Variants in DNAJB6 observed in about 807,000 individuals in gnomAD.
The protein encoded by DNAJB6 is DnaJ heat shock protein family (Hsp40) member B6.
A neutral mutation model predicts 42.7 loss-of-function variants in DNAJB6; 16 were observed. The ratio of observed to expected loss-of-function variants is 0.37; its 90% CI spans 0.25 to 0.57. DNAJB6 has a LOEUF of 0.57. DNAJB6 is among the 20% of genes least tolerant of loss of function. DNAJB6 has a pLI of 0.74. For synonymous variants in DNAJB6, 170 were observed against 163.5 expected (o/e 1.04, Z -0.30); for missense variants, 347 against 416.8 (o/e 0.83, Z 1.46).
At chr7:157,410,392 G>A in intron 9 of DNAJB6, 1 of 375,966 alleles carries the variant, frequency 2.7e-6, no homozygotes. Flanking sequence ...GTTTGCCCCT[G>A]CCCCTCCGTC....
At chr7:157,381,777 G>GTGTGTGTGC (rs1563136627) in intron 5 of DNAJB6, 3 of 77,046 alleles carry the variant, frequency 3.9e-5, no homozygotes, top group Admixed American at 2.8e-4. Flanking sequence ...TGTGTGTGTG[G>GTGTGTGTGC]GCGCGCGCAT....
At chr7:157,407,806 G>T (rs994151044) in intron 8 of DNAJB6, among the ~76,000 whole-genome samples, 3 of 152,188 alleles carry the variant, frequency 2.0e-5, no homozygotes, top group African/African-American at 7.2e-5. Context: ...TCTTGCCAGG[G>T]TCCAGGCAGC....
intron 5 of DNAJB6, among the ~76,000 whole-genome samples, chr7:157,370,209 GAGGCCCTTTCTTCACATTATTATTAAAC>G (rs1563129122): frequency 4.0e-5 from 4 of 100,290 alleles, no homozygotes; most frequent in African/African-American, 1.3e-4. Flanking sequence ...TATTATTAAA[GAGGCCCTTTCTTCACATTATTATTAAAC>G]AGGCCCTTTC....
intron 1 of DNAJB6, among the ~76,000 whole-genome samples, chr7:157,343,666 C>A (rs532698423): frequency 2.6e-4 from 40 of 152,244 alleles, no homozygotes; most frequent in African/African-American, 9.6e-4. Flanking sequence ...CCATGCTGTT[C>A]TCAAACTCCT....
At chr7:157,398,520 G>C (rs1801703171) in intron 8 of DNAJB6, among the ~76,000 whole-genome samples, 1 of 152,218 alleles carries the variant, frequency 6.6e-6, no homozygotes, top group Non-Finnish European at 1.5e-5. Flanking sequence ...CTCCATTTGG[G>C]GAAGAAACTG....
chr7:157,399,316 A>T (rs983939978), intron 8 of DNAJB6, among the ~76,000 whole-genome samples: 1 of 152,170 alleles, frequency 6.6e-6, no homozygotes, highest in Non-Finnish European at 1.5e-5. Context: ...CCTCCTGATG[A>T]GTAGGTGCCA....
rs1291942149 is a variant in DNAJB6 at position 157,409,319 on chromosome 7, G to A, written c.692-476G>A. 3.3e-5 allele frequency among the ~76,000 whole-genome samples: 5 copies of A among 152,326 alleles called. No individual in the cohort carries two copies. The East Asian group carries it at 5.8e-4, about 18-fold the overall frequency. Reference sequence around the variant, plus strand: ...TGCCTTGGGCGGGGCTGTGGCTCCCGTGGGCGCCGCCGCTGCTGCCACAGA... The same window carrying A: ...TGCCTTGGGCGGGGCTGTGGCTCCCATGGGCGCCGCCGCTGCTGCCACAGA... On this transcript the variant is annotated intron_variant, in intron 8 of 9. Transcript: ENST00000262177.
intron 2 of DNAJB6, among the ~76,000 whole-genome samples, chr7:157,360,435 AT>A (rs1215933011): frequency 6.6e-6 from 1 of 152,226 alleles, no homozygotes; most frequent in African/African-American, 2.4e-5. Context: ...GCCAGCCCTT[AT>A]CAATGGATAA....
rs1398491966 is a variant in DNAJB6, at chr7:157,346,172, C to T, written c.-27+9028C>T. Among the ~76,000 whole-genome samples, 3 of 151,914 alleles carry T rather than the reference C, an allele frequency of 2.0e-5. No individual in the cohort carries two copies. The East Asian group carries it at 5.8e-4, about 29-fold the overall frequency. ...CGGGCCAGAAGGATTCAGGGCCAAC[C>T]TTAGGGAGATGAAGGCCAGTTAAAA... On this transcript the variant is annotated intron_variant, in intron 1 of 9. Coordinates refer to ENST00000262177, the MANE Select transcript of DNAJB6 (RefSeq NM_058246.4).
chr7:157,361,232 C>G (rs112601914), intron 2 of DNAJB6, among the ~76,000 whole-genome samples: 1 of 151,024 alleles, frequency 6.6e-6, no homozygotes, highest in African/African-American at 2.4e-5. Context: ...GATCTCGGCT[C>G]ACTGCAACCT....
At chr7:157,388,794 G>C (rs1435464266) in intron 8 of DNAJB6, among the ~76,000 whole-genome samples, 1 of 152,062 alleles carries the variant, frequency 6.6e-6, no homozygotes, top group Non-Finnish European at 1.5e-5. Flanking sequence ...TCAATAATCT[G>C]TATTTTTGTC....
At chr7:157,387,331 G>A (rs959052596) in intron 8 of DNAJB6, among the ~76,000 whole-genome samples, 6 of 152,202 alleles carry the variant, frequency 3.9e-5, no homozygotes, top group African/African-American at 1.4e-4. Flanking sequence ...CCTGTCTCTG[G>A]ATAAGGTAGG....
At chr7:157,387,829 CTGTTT>C (rs1379291889) in intron 8 of DNAJB6, among the ~76,000 whole-genome samples, 33 of 151,736 alleles carry the variant, frequency 2.2e-4, no homozygotes, top group Middle Eastern at 6.8e-3. Flanking sequence ...GGGAAAACTA[CTGTTT>C]TGTTTGTTTG....
chr7:157,387,828 ACTGTT>A (rs1411663812), intron 8 of DNAJB6, among the ~76,000 whole-genome samples: 5 of 151,670 alleles, frequency 3.3e-5, no homozygotes, highest in South Asian at 4.1e-4. Context: ...TGGGAAAACT[ACTGTT>A]TTGTTTGTTT....
At chr7:157,361,695 T>TA (rs1189730159) in intron 2 of DNAJB6, among the ~76,000 whole-genome samples, 3 of 152,368 alleles carry the variant, frequency 2.0e-5, no homozygotes, top group Non-Finnish European at 4.4e-5. Flanking sequence ...TACCCTCCTT[T>TA]TGAATATATG....
chr7:157,375,321 C>T (rs1800417557), intron 5 of DNAJB6, among the ~76,000 whole-genome samples: 1 of 152,118 alleles, frequency 6.6e-6, no homozygotes, highest in Admixed American at 6.5e-5. Flanking sequence ...TGGGAAGAGG[C>T]CCATTCCTCC....
intron 8 of DNAJB6, among the ~76,000 whole-genome samples, chr7:157,401,708 G>C (rs1795524620): frequency 6.6e-6 from 1 of 152,220 alleles, no homozygotes; most frequent in Non-Finnish European, 1.5e-5. Context: ...TAAGGGGAGA[G>C]AGCTGTGACG....
chr7:157,413,691 C>T (rs1796035270), intron 9 of DNAJB6: 1 of 146,700 alleles, frequency 6.8e-6, no homozygotes, highest in Non-Finnish European at 1.5e-5. Flanking sequence ...GGAAGGCCTG[C>T]TCTGTTTTTC....
chr7:157,393,140 A>AT (rs1329608259), intron 8 of DNAJB6, among the ~76,000 whole-genome samples: 1 of 151,808 alleles, frequency 6.6e-6, no homozygotes, highest in Admixed American at 6.6e-5. Flanking sequence ...CCCCTGGCTA[A>AT]TTTTTTTGTA....
Sources: gnomAD v4.1 joint callset for allele counts (sites outside exome capture counted in the v4.1 genomes callset) on GRCh38, gnomAD v4.1.1 for gene constraint, MANE v1.5 for transcripts, NCBI Gene and HGNC (gene_info 2026-07-23, HGNC 2026-07-21) for gene names.